Variants in ZNF846 observed in about 807,000 individuals in gnomAD.
ZNF846 encodes the protein zinc finger protein 846, also known as zinc finger protein 420 pseudogene.
Under a neutral mutation model 16.0 loss-of-function variants are expected in ZNF846, and 15 were observed. The ratio of observed to expected loss-of-function variants is 0.94; its 90% CI spans 0.63 to 1.45. The LOEUF is 1.45. Among genes scored for constraint, ZNF846 ranks in the 40% most tolerant of loss-of-function variants. ZNF846 has a pLI of 0.00. For synonymous variants in ZNF846, 229 were observed against 212.0 expected (o/e 1.08, Z -0.70); for missense variants, 714 against 622.3 (o/e 1.15, Z -1.57).
chr19:9,759,783 C>A (rs1195700030), intron 5 of ZNF846, 77 bp downstream of exon 5: 4 of 1,145,416 alleles, frequency 3.5e-6, no homozygotes, highest in East Asian at 2.4e-5. Flanking sequence ...GGGTAAATGC[C>A]ATTTTCCTCA....
At chr19:9,752,371 G>A in exon 6 of ZNF846, 1 of 306,882 alleles carries the variant, frequency 3.3e-6, no homozygotes, top group South Asian at 2.6e-5. Context: ...ACTTTGGGAG[G>A]CCAAGGTGGG....
chr19:9,761,990 T>C lies in ZNF846; in HGVS notation c.229+92A>G, dbSNP rs532402260. 173 of 1,079,628 alleles carry C rather than the reference T, an allele frequency of 1.6e-4. No homozygotes were observed. In the African/African-American group the frequency reaches 2.5e-3, roughly 15 times the overall value. 66.9% of individuals were successfully genotyped at this position (1,079,628 alleles called of 1,614,324 possible). A position where few individuals can be genotyped will look rare whatever the true frequency, so the allele number is the denominator to read the frequency against. On this transcript the variant is annotated intron_variant, in intron 4 of 5. Transcript: ENST00000397902. ...CCTTCTCAGGAAGAAGAGTATACCC[T>C]GAGAAGTTCGCAAAGTAACATTTCC...
intron 1 of ZNF846, among the ~76,000 whole-genome samples, chr19:9,785,569 A>G (rs1235562724): frequency 1.5e-5 from 1 of 65,290 alleles, no homozygotes; most frequent in Non-Finnish European, 2.9e-5. Context: ...GTCTCAACCA[A>G]GACCGAGTCC....
At chr19:9,764,588 G>A (rs2045283943) in intron 2 of ZNF846, among the ~76,000 whole-genome samples, 1 of 152,076 alleles carries the variant, frequency 6.6e-6, no homozygotes, top group Non-Finnish European at 1.5e-5. Flanking sequence ...ATAACTGCTG[G>A]TATATCCAGT....
At chr19:9,759,188 G>T (rs1216759118) in intron 5 of ZNF846, among the ~76,000 whole-genome samples, 2 of 151,820 alleles carry the variant, frequency 1.3e-5, no homozygotes, top group Non-Finnish European at 2.9e-5. Context: ...AGTAAACACA[G>T]ATTTTTGCCA....
chr19:9,757,898 G>A, exon 6 of ZNF846: 1 of 1,613,110 alleles, frequency 6.2e-7, no homozygotes, highest in Non-Finnish European at 8.5e-7. Flanking sequence ...TACATTCATA[G>A]GGCTTTTCTC....
intron 4 of ZNF846, among the ~76,000 whole-genome samples, chr19:9,760,715 T>C (rs372646452): frequency 2.0e-5 from 3 of 150,594 alleles, no homozygotes; most frequent in Non-Finnish European, 4.4e-5. Context: ...AAGAAAAAAA[T>C]ATATATATAC....
At chr19:9,767,929 GTC>G (rs1213137960) in intron 1 of ZNF846, among the ~76,000 whole-genome samples, 1 of 152,128 alleles carries the variant, frequency 6.6e-6, no homozygotes, top group Non-Finnish European at 1.5e-5. Context: ...GCGAAACTCC[GTC>G]TCAAAATATG....
At chr19:9,769,826 T>TA (rs563569858), upstream of ZNF846, among the ~76,000 whole-genome samples, 12 of 151,654 alleles carry the variant, frequency 7.9e-5, no homozygotes, top group African/African-American at 1.7e-4. Flanking sequence ...AAATATTTTT[T>TA]AAAAAATAGC....
At chr19:9,759,760 C>T (rs1038422643) in intron 5 of ZNF846, 100 bp downstream of exon 5, 2 of 824,208 alleles carry the variant, frequency 2.4e-6, no homozygotes, top group Non-Finnish European at 3.8e-6. Flanking sequence ...TCTCTTCAGA[C>T]TTTGTTTTCT....
At chr19:9,750,869 C>A (rs998124035), downstream of ZNF846, among the ~76,000 whole-genome samples, 4 of 152,216 alleles carry the variant, frequency 2.6e-5, no homozygotes, top group Non-Finnish European at 4.4e-5. Flanking sequence ...TCCTCCAGAA[C>A]TGCCAAGGCC....
chr19:9,769,824 T>C (rs1411795952), upstream of ZNF846, among the ~76,000 whole-genome samples: 1 of 151,642 alleles, frequency 6.6e-6, no homozygotes, highest in Non-Finnish European at 1.5e-5. Flanking sequence ...AAAAATATTT[T>C]TTAAAAAATA....
rs140030198 is a variant in ZNF846, at chr19:9,761,789, T to C, written c.229+293A>G. Among the ~76,000 whole-genome samples the C allele has an allele frequency of 6.1e-4, 93 of 151,478 alleles. 1 individual carries two copies. Among genetic ancestry groups the C allele is most frequent in the Middle Eastern group, 3.5e-3 (1 of 288 alleles). ...CTGAGGCTGGTAGTAAGCAAAAAGATGGGAGAATCAAGAAAGCAATATAAG... is the reference window on the plus strand; with the variant it reads ...CTGAGGCTGGTAGTAAGCAAAAAGACGGGAGAATCAAGAAAGCAATATAAG... On this transcript the variant is annotated intron_variant, in intron 4 of 5. Transcript: ENST00000397902.
At chr19:9,761,591 A>G (rs1193287600) in intron 4 of ZNF846, among the ~76,000 whole-genome samples, 2 of 151,782 alleles carry the variant, frequency 1.3e-5, no homozygotes. Context: ...GGTGCCTGTA[A>G]TCTTAGCTAC....
At chr19:9,755,509 AG>A (rs1461745603), downstream of ZNF846, 21 of 151,530 alleles carry the variant, frequency 1.4e-4, no homozygotes, top group Non-Finnish European at 2.6e-4. Context: ...TACTGCTAAA[AG>A]TATTACCAGG....
intron 4 of ZNF846, 45 bp downstream of exon 4, chr19:9,762,037 G>T: frequency 6.9e-7 from 1 of 1,441,500 alleles, no homozygotes; most frequent in Non-Finnish European, 9.8e-7. Flanking sequence ...TGTCTCCTAG[G>T]GTGGCACAGC....
At chr19:9,783,257 C>T (rs1180785904) in intron 1 of ZNF846, among the ~76,000 whole-genome samples, 9 of 87,440 alleles carry the variant, frequency 1.0e-4, no homozygotes, top group African/African-American at 4.0e-4. Flanking sequence ...GAGATGGAGT[C>T]TAGCTTTCTG....
intron 1 of ZNF846, among the ~76,000 whole-genome samples, chr19:9,780,304 A>G (rs1272161024): frequency 6.6e-6 from 1 of 152,022 alleles, no homozygotes; most frequent in Non-Finnish European, 1.5e-5. Context: ...CCCAGGCTCA[A>G]GTGATCCTCC....
chr19:9,775,294 C>A lies in ZNF846; in HGVS notation c.-85-10259G>T, dbSNP rs919353151. Among the ~76,000 whole-genome samples the A allele has an allele frequency of 4.6e-5, 7 of 151,700 alleles. No individual in the cohort carries two copies. The East Asian group carries it at 1.2e-3, about 25-fold the overall frequency. The stretch of plus-strand genomic sequence containing the variant: ...ATTAATTTTAAAGTTCACATGGGAG[C>A]ACAAACGTCTGATAATACCCAAGAA... On this transcript the variant is annotated intron_variant, in intron 1 of 4. Transcript: ENST00000586814.
Sources: gnomAD v4.1 joint callset for allele counts (sites outside exome capture counted in the v4.1 genomes callset) on GRCh38, gnomAD v4.1.1 for gene constraint, MANE v1.5 for transcripts, NCBI Gene and HGNC (gene_info 2026-07-23, HGNC 2026-07-21) for gene names.